CCDC91: variants seen among roughly 807,000 people sequenced by gnomAD.
The protein encoded by CCDC91 is coiled-coil domain-containing protein 91.
In CCDC91, 48 loss-of-function variants were observed where a neutral mutation model predicts 63.2. That is an observed-to-expected ratio of 0.76 (90% CI 0.60 to 0.97). CCDC91 has a LOEUF of 0.97. Among genes scored for constraint, CCDC91 ranks in the 50% least tolerant of loss-of-function variants. The pLI, the probability that CCDC91 is intolerant of heterozygous loss-of-function variation, is 0.00. For missense variants in CCDC91, 500 were observed against 494.6 expected (o/e 1.01, Z -0.10); for synonymous variants, 167 against 165.8 (o/e 1.01, Z -0.06).
chr12:28,416,955 G>C (rs1947701077), intron 8 of CCDC91, among the ~76,000 whole-genome samples: 1 of 151,992 alleles, frequency 6.6e-6, no homozygotes, highest in African/African-American at 2.4e-5. Flanking sequence ...TTTCAATTTA[G>C]TTATGTTGCT....
intron 1 of CCDC91, among the ~76,000 whole-genome samples, chr12:28,242,179 G>A (rs540368515): frequency 1.3e-5 from 2 of 151,996 alleles, no homozygotes; most frequent in Admixed American, 1.3e-4. Flanking sequence ...GGGTGCCAGG[G>A]GATTTGGTCA....
chr12:28,530,426 C>A (rs1056849773), intron 12 of CCDC91, among the ~76,000 whole-genome samples: 2 of 152,196 alleles, frequency 1.3e-5, no homozygotes, highest in Non-Finnish European at 2.9e-5. Flanking sequence ...TTTAGTCTTC[C>A]TACTGAAGTC....
chr12:28,426,536 G>T (rs74842853), intron 8 of CCDC91, among the ~76,000 whole-genome samples: 1 of 151,940 alleles, frequency 6.6e-6, no homozygotes, highest in Non-Finnish European at 1.5e-5. Flanking sequence ...TTTTGCACTA[G>T]ATTTAGGAAG....
chr12:28,308,635 T>C (rs1938996415), intron 6 of CCDC91, among the ~76,000 whole-genome samples: 1 of 152,008 alleles, frequency 6.6e-6, no homozygotes, highest in African/African-American at 2.4e-5. Flanking sequence ...AGTGCTCAGA[T>C]TCCCTCAGAT....
chr12:28,268,069 A>G (rs1947476280), intron 3 of CCDC91, among the ~76,000 whole-genome samples: 1 of 145,130 alleles, frequency 6.9e-6, no homozygotes, highest in Admixed American at 7.2e-5. Flanking sequence ...ATAATTAATA[A>G]TAATAACTTT....
intron 8 of CCDC91, among the ~76,000 whole-genome samples, chr12:28,397,476 G>A (rs995857037): frequency 2.0e-5 from 3 of 151,964 alleles, no homozygotes; most frequent in Non-Finnish European, 4.4e-5. Flanking sequence ...ATGTATGGGC[G>A]AGAGCCCCAG....
intron 7 of CCDC91, among the ~76,000 whole-genome samples, chr12:28,366,824 C>T (rs1311167336): frequency 2.6e-5 from 4 of 152,100 alleles, no homozygotes; most frequent in Admixed American, 6.6e-5. Context: ...GGTACCCTTA[C>T]TCCTCACAGC....
chr12:28,503,068 C>T (rs1264529666), intron 12 of CCDC91, among the ~76,000 whole-genome samples: 2 of 152,050 alleles, frequency 1.3e-5, no homozygotes, highest in Non-Finnish European at 2.9e-5. Flanking sequence ...GCAACAAAAG[C>T]CAAAATTGAC....
At chr12:28,483,070 A>G (rs892797432) in intron 11 of CCDC91, among the ~76,000 whole-genome samples, 3 of 151,896 alleles carry the variant, frequency 2.0e-5, no homozygotes, top group African/African-American at 7.2e-5. Flanking sequence ...TTGTGTTTGT[A>G]TTTTTCCACG....
chr12:28,241,521 ACT>A (rs1046456723), intron 1 of CCDC91, among the ~76,000 whole-genome samples: 3 of 147,998 alleles, frequency 2.0e-5, no homozygotes, highest in Non-Finnish European at 4.5e-5. Context: ...CATAAGAAAA[ACT>A]CTCTCAGGTA....
intron 3 of CCDC91, among the ~76,000 whole-genome samples, chr12:28,290,330 T>G (rs1323088906): frequency 6.6e-6 from 1 of 152,204 alleles, no homozygotes; most frequent in Non-Finnish European, 1.5e-5. Context: ...TAATCCTTGC[T>G]TTTTTTCTGA....
intron 12 of CCDC91, among the ~76,000 whole-genome samples, chr12:28,527,891 G>A (rs1047458104): frequency 2.0e-5 from 3 of 152,080 alleles, no homozygotes; most frequent in African/African-American, 7.2e-5. Context: ...AAAGACAGGA[G>A]TCACAGGCCT....
intron 1 of CCDC91, among the ~76,000 whole-genome samples, chr12:28,195,749 G>GTTAT (rs1252614235): frequency 6.6e-6 from 1 of 152,124 alleles, no homozygotes; most frequent in Non-Finnish European, 1.5e-5. Flanking sequence ...TTGCATTGAA[G>GTTAT]TTATGGATCC....
chr12:28,403,197 G>C (rs1215668115), intron 8 of CCDC91, among the ~76,000 whole-genome samples: 1 of 152,082 alleles, frequency 6.6e-6, no homozygotes, highest in South Asian at 2.1e-4. Flanking sequence ...TCTATCTTCT[G>C]GAAGAGATTG....
chr12:28,428,743 T>C (rs1325769556), intron 8 of CCDC91, among the ~76,000 whole-genome samples: 2 of 152,066 alleles, frequency 1.3e-5, no homozygotes, highest in Non-Finnish European at 2.9e-5. Context: ...ATGTGATTAC[T>C]TCATTTCCTA....
chr12:28,528,185 T>C (rs1010279899), intron 12 of CCDC91, among the ~76,000 whole-genome samples: 4 of 152,128 alleles, frequency 2.6e-5, no homozygotes, highest in Non-Finnish European at 4.4e-5. Context: ...GTGGTTTTTT[T>C]CCCAGTGCCT....
At chr12:28,211,356 T>G (rs1943220599) in intron 1 of CCDC91, among the ~76,000 whole-genome samples, 1 of 151,876 alleles carries the variant, frequency 6.6e-6, no homozygotes, top group Admixed American at 6.6e-5. Context: ...CAAAGGAAAA[T>G]TATCTTTTTC....
At chr12:28,365,534 G>A (rs1944217275) in intron 7 of CCDC91, among the ~76,000 whole-genome samples, 1 of 152,118 alleles carries the variant, frequency 6.6e-6, no homozygotes, top group Non-Finnish European at 1.5e-5. Flanking sequence ...ATTTCAAAAG[G>A]AAACCAAAAT....
chr12:28,375,675 T>G (rs1246184384), intron 7 of CCDC91, among the ~76,000 whole-genome samples: 1 of 151,956 alleles, frequency 6.6e-6, no homozygotes, highest in East Asian at 1.9e-4. Context: ...GTAAAATTAA[T>G]GTACATCTTG....
Sources: allele counts gnomAD v4.1 joint callset (sites outside exome capture counted in the v4.1 genomes callset), GRCh38; gene constraint gnomAD v4.1.1; transcripts MANE v1.5; gene names NCBI Gene and HGNC (gene_info 2026-07-23, HGNC 2026-07-21).